The following USP47 variants were observed in gnomAD, a reference collection of about 807,000 sequenced individuals.
USP47 encodes the protein ubiquitin specific peptidase 47.
USP47 carries 35 observed loss-of-function variants against 165.1 expected under a neutral mutation model. That is an observed-to-expected ratio of 0.21 (90% confidence interval 0.16 to 0.28). The LOEUF (loss-of-function observed/expected upper bound fraction) is 0.28, where lower values mean the gene tolerates loss of function less well. USP47 is among the 10% of genes least tolerant of loss of function. The pLI, the probability that USP47 is intolerant of heterozygous loss-of-function variation, is 1.00. For synonymous variants in USP47, 531 were observed against 544.5 expected (o/e 0.98, Z 0.35); for missense variants, 1,277 against 1,607.4 (o/e 0.79, Z 3.52).
intron 4 of USP47, among the ~76,000 whole-genome samples, chr11:11,896,740 A>T (rs1246913752): frequency 6.6e-6 from 1 of 152,162 alleles, no homozygotes; most frequent in East Asian, 1.9e-4. Context: ...AATACGGATT[A>T]AATATAGGAT....
intron 4 of USP47, among the ~76,000 whole-genome samples, chr11:11,897,154 G>C (rs12574117): frequency 0.13 from 19,228 of 150,784 alleles, 1,578 homozygotes; most frequent in Middle Eastern, 0.38. Context: ...AACTGGTTCT[G>C]TATAGTCTTT....
intron 16 of USP47, among the ~76,000 whole-genome samples, chr11:11,935,479 C>G (rs906662766): frequency 6.6e-6 from 1 of 150,770 alleles, no homozygotes; most frequent in East Asian, 2.0e-4. Flanking sequence ...TAAAAAGAAA[C>G]AAACAAACAG....
chr11:11,925,236 T>C (rs1014521067), intron 11 of USP47, among the ~76,000 whole-genome samples: 2 of 151,936 alleles, frequency 1.3e-5, no homozygotes, highest in Admixed American at 6.6e-5. Flanking sequence ...GCCTCCTGAG[T>C]AGCTGGAACT....
At chr11:11,933,177 A>G (rs776518363) in intron 15 of USP47, 61 bp downstream of exon 15, 2 of 1,314,972 alleles carry the variant, frequency 1.5e-6, no homozygotes, top group Non-Finnish European at 2.2e-6. Context: ...CTTACCTGCA[A>G]TTCTAATGAC....
At chr11:11,931,008 T>C (rs1029946464) in intron 14 of USP47, among the ~76,000 whole-genome samples, 2 of 152,182 alleles carry the variant, frequency 1.3e-5, no homozygotes, top group Non-Finnish European at 2.9e-5. Context: ...AGTAAGATTA[T>C]ATTATGTGCA....
chr11:11,940,829 C>G (rs2134769589), intron 19 of USP47, among the ~76,000 whole-genome samples: 1 of 150,276 alleles, frequency 6.7e-6, no homozygotes, highest in South Asian at 2.1e-4. Context: ...TTTTTTCAGT[C>G]TCCAGATTAG....
intron 1 of USP47, among the ~76,000 whole-genome samples, chr11:11,855,660 A>G (rs925702431): frequency 2.5e-4 from 38 of 152,196 alleles, no homozygotes; most frequent in Admixed American, 9.8e-4. Context: ...CCTCAGTGAA[A>G]TTTTTTAGTA....
intron 8 of USP47, 87 bp from the exon 9 acceptor site, chr11:11,920,069 T>G: frequency 9.8e-7 from 1 of 1,015,794 alleles, no homozygotes; most frequent in Non-Finnish European, 1.3e-6. Flanking sequence ...TACTTATAAC[T>G]TTTAGTAATT....
Position 11,933,122 on chromosome 11 carries a change from A to T in USP47, c.1764+6A>T, listed in dbSNP as rs1854794230. On this transcript the variant is annotated splice_donor_region_variant and intron_variant, in intron 15 of 27. Transcript: ENST00000527733. ...TTGAGCGCAATACATGCAAGGTTGA[A>T]TTCCATCATTTTATTTTTAATTGAA... 6.2e-7 allele frequency: 1 copy of T among 1,607,848 alleles called. No homozygotes were observed. Among genetic ancestry groups the T allele is most frequent in the Admixed American group, 1.7e-5 (1 of 59,238 alleles).
At chr11:11,882,553 G>A (rs983490841) in intron 2 of USP47, among the ~76,000 whole-genome samples, 64 of 152,036 alleles carry the variant, frequency 4.2e-4, no homozygotes, top group African/African-American at 1.5e-3. Flanking sequence ...ACACTTTCTG[G>A]TACATCACCA....
intron 6 of USP47, 78 bp from the exon 7 acceptor site, chr11:11,903,185 C>G (rs1358868659): frequency 5.8e-6 from 8 of 1,373,758 alleles, no homozygotes; most frequent in Non-Finnish European, 8.0e-6. Context: ...ATATTTCTGT[C>G]TATTTGCTTT....
intron 1 of USP47, among the ~76,000 whole-genome samples, chr11:11,850,652 A>C (rs1848675319): frequency 6.6e-6 from 1 of 152,106 alleles, no homozygotes; most frequent in South Asian, 2.1e-4. Context: ...CTTTTGTGTG[A>C]TTATGGTTTT....
chr11:11,945,160 A>C (rs1231094660), intron 20 of USP47, among the ~76,000 whole-genome samples: 3 of 152,148 alleles, frequency 2.0e-5, no homozygotes, highest in Admixed American at 1.3e-4. Flanking sequence ...ACCCCGGAAA[A>C]TGTCTTCTCA....
At chr11:11,886,125 A>C (rs1335133331) in intron 3 of USP47, among the ~76,000 whole-genome samples, 2 of 152,262 alleles carry the variant, frequency 1.3e-5, no homozygotes, top group Non-Finnish European at 2.9e-5. Flanking sequence ...AAGGTAGATA[A>C]GCCCACAGAG....
Position 11,942,816 on chromosome 11 carries a change from G to A in USP47, c.2795G>A (p.Arg932Lys). 1 of 1,613,686 alleles carries A rather than the reference G, an allele frequency of 6.2e-7. No individual in the cohort carries two copies. ...ERSDSDVNND[R>K]STSSVDSDIL... Reference sequence around the variant, plus strand: ...TCAGACTCAGATGTGAATAATGACAGGAGTACAAGTTCAGTGGACAGTGAT... The same window carrying A: ...TCAGACTCAGATGTGAATAATGACAAGAGTACAAGTTCAGTGGACAGTGAT... The change falls in exon 20 of 28, where the codon AGG becomes AAG. Residue 932 changes from arginine (R) to lysine (K), a missense_variant. Around this residue, in one of 4 missense-constraint regions of USP47, gnomAD observed 909 missense variants for 1,068.1 expected, o/e 0.85. Transcript: ENST00000527733.
intron 2 of USP47, among the ~76,000 whole-genome samples, chr11:11,880,706 G>GA (rs374063011): frequency 6.6e-6 from 1 of 151,842 alleles, no homozygotes; most frequent in African/African-American, 2.4e-5. Flanking sequence ...ATTATTCCGT[G>GA]AAAAAAGATT....
At chr11:11,954,183 G>C (rs1252364956) in intron 25 of USP47, among the ~76,000 whole-genome samples, 2 of 152,154 alleles carry the variant, frequency 1.3e-5, no homozygotes, top group South Asian at 4.1e-4. Flanking sequence ...CCAGGAGGTG[G>C]AGGTTGCAGT....
chr11:11,916,818 G>A (rs1424510142), intron 8 of USP47, among the ~76,000 whole-genome samples: 1 of 152,112 alleles, frequency 6.6e-6, no homozygotes, highest in Non-Finnish European at 1.5e-5. Flanking sequence ...GAAGGACCTG[G>A]AATGATAAAC....
chr11:11,940,919 T>C (rs1325077080), intron 19 of USP47, among the ~76,000 whole-genome samples: 2 of 151,922 alleles, frequency 1.3e-5, no homozygotes, highest in Admixed American at 6.6e-5. Flanking sequence ...ATTCTTGAGC[T>C]TGTCCCATAA....
Sources: allele counts gnomAD v4.1 joint callset (sites outside exome capture counted in the v4.1 genomes callset), GRCh38; gene constraint gnomAD v4.1.1; regional missense constraint gnomAD v4.1.1; transcripts MANE v1.5; gene names NCBI Gene and HGNC (gene_info 2026-07-23, HGNC 2026-07-21).